The following ANKHD1 variants were observed in gnomAD, a reference collection of about 807,000 sequenced individuals.
ANKHD1 encodes ankyrin repeat and KH domain-containing protein 1.
A neutral mutation model predicts 230.5 loss-of-function variants in ANKHD1; 31 were observed. The ratio of observed to expected loss-of-function variants is 0.13; its 90% CI spans 0.10 to 0.18. ANKHD1 has a LOEUF of 0.18. Ranked by LOEUF, ANKHD1 falls within the 10% of genes least tolerant of loss-of-function variation. The pLI is 1.00. For synonymous variants in ANKHD1, 1,074 were observed against 1,117.6 expected, an observed-to-expected ratio of 0.96 and a Z score of 0.78; for missense variants, 2,256 against 3,071.3, an observed-to-expected ratio of 0.73 and a Z score of 6.27.
intron 24 of ANKHD1, among the ~76,000 whole-genome samples, chr5:140,523,129 T>TTTAA (rs1198702404): frequency 6.8e-6 from 1 of 147,526 alleles, no homozygotes; most frequent in African/African-American, 2.5e-5. Context: ...TTTTTTTTTT[T>TTTAA]AAGAGACAGG....
At chr5:140,415,767 A>T (rs1399465487) in intron 1 of ANKHD1, among the ~76,000 whole-genome samples, 8 of 151,850 alleles carry the variant, frequency 5.3e-5, no homozygotes, top group Non-Finnish European at 1.2e-4. Flanking sequence ...TTAATTTTTT[A>T]AAATTTATTT....
At chr5:140,429,181 C>T (rs966547852) in intron 1 of ANKHD1, among the ~76,000 whole-genome samples, 1 of 151,096 alleles carries the variant, frequency 6.6e-6, no homozygotes, top group South Asian at 2.1e-4. Flanking sequence ...CTAACCTCCA[C>T]CTCCCAGGTT....
intron 8 of ANKHD1, 50 bp downstream of exon 8, chr5:140,458,912 T>C: frequency 1.3e-6 from 2 of 1,498,024 alleles, no homozygotes; most frequent in Non-Finnish European, 1.8e-6. Flanking sequence ...TTGGATGTTT[T>C]GTGTTAGTAC....
chr5:140,472,866 G>A (rs984067888), intron 10 of ANKHD1, among the ~76,000 whole-genome samples: 2 of 151,790 alleles, frequency 1.3e-5, no homozygotes. Context: ...TATTTCTTTT[G>A]AAAAAATGTG....
At position 140,405,544 on chromosome 5, in the gene ANKHD1, A is replaced by G. The variant is rs556726068; in HGVS notation, c.306+3271A>G. ...CTTTGAATTTTCAGTGTGAAAAGGT[A>G]ACAGTGTTCTTCAAAAAATACTCAT... On this transcript the variant is annotated intron_variant, in intron 1 of 33. Transcript: ENST00000360839. Among the ~76,000 whole-genome samples the G allele has an allele frequency of 4.6e-4, 70 of 152,336 alleles. 1 individual carries two copies. The highest frequency in any genetic ancestry group is 6.8e-3 in the Middle Eastern group (2 of 294).
chr5:140,437,928 C>T (rs916655129), intron 2 of ANKHD1, among the ~76,000 whole-genome samples: 8 of 151,838 alleles, frequency 5.3e-5, no homozygotes, highest in Admixed American at 1.3e-4. Context: ...TTATAAATGA[C>T]GATATAAATT....
chr5:140,440,957 G>A, intron 4 of ANKHD1, 38 bp from the exon 5 acceptor site: 1 of 1,510,468 alleles, frequency 6.6e-7, no homozygotes, highest in Non-Finnish European at 8.8e-7. Flanking sequence ...TGAATAGTAA[G>A]AATTAACAAT....
intron 13 of ANKHD1, chr5:140,486,456 G>A (rs1027016350): frequency 6.6e-6 from 1 of 152,490 alleles, no homozygotes; most frequent in African/African-American, 2.4e-5. Context: ...TAACATAAGC[G>A]CTAGAAGTTC....
chr5:140,424,943 A>T (rs1265997282), intron 1 of ANKHD1, among the ~76,000 whole-genome samples: 1 of 152,210 alleles, frequency 6.6e-6, no homozygotes, highest in Non-Finnish European at 1.5e-5. Context: ...TAAGTAGTTA[A>T]GATGGTTGAA....
At chr5:140,525,873 T>A in intron 25 of ANKHD1, 123 bp from the exon 26 acceptor site, 1 of 1,155,192 alleles carries the variant, frequency 8.7e-7, no homozygotes, top group Non-Finnish European at 1.2e-6. Flanking sequence ...TCTTAGTGAA[T>A]ACTGGTGAAA....
Position 140,507,254 on chromosome 5 carries a change from A to G in ANKHD1, c.3551+277A>G, listed in dbSNP as rs6871703. On this transcript the variant is annotated intron_variant, in intron 19 of 33. Transcript: ENST00000360839. The surrounding 1 kb of genome is among the most constrained non-coding windows in gnomAD (Gnocchi z 4.1). Reference sequence around the variant, plus strand: ...CATCTGATCTCAGAAACGGTATTTTATTTTATATAGTTGGAAATTTATAAT... The same window carrying G: ...CATCTGATCTCAGAAACGGTATTTTGTTTTATATAGTTGGAAATTTATAAT... 0.67 allele frequency among the ~76,000 whole-genome samples: 101,815 copies of G among 152,084 alleles called. 34,539 individuals are homozygous for G. The highest frequency in any genetic ancestry group is 0.84 in the East Asian group (4,360 of 5,182).
chr5:140,431,215 A>G lies in ANKHD1; in HGVS notation c.307-4889A>G, dbSNP rs147088985. 2.6e-4 allele frequency among the ~76,000 whole-genome samples: 39 copies of G among 152,330 alleles called. 1 individual carries two copies. In the East Asian group the frequency reaches 6.9e-3, roughly 27 times the overall value. On this transcript the variant is annotated intron_variant, in intron 1 of 33. Transcript: ENST00000360839. ...ATCTGATTGATACAAATGTATTCAT[A>G]TCATTTATCTGTATGGTTTTGTATT...
At chr5:140,501,100 T>G (rs1014244066) in intron 15 of ANKHD1, among the ~76,000 whole-genome samples, 6 of 134,662 alleles carry the variant, frequency 4.5e-5, no homozygotes, top group African/African-American at 1.9e-4. Flanking sequence ...TAGGTTTTTG[T>G]TTTTTTTTTT....
chr5:140,459,001 T>TCC (rs1561755607), intron 8 of ANKHD1, 139 bp downstream of exon 8: 1 of 60,160 alleles, frequency 1.7e-5, no homozygotes, highest in Non-Finnish European at 3.0e-5. Flanking sequence ...TATATGCATA[T>TCC]ATATATATAT....
chr5:140,501,868 G>A (rs750443817), intron 15 of ANKHD1, among the ~76,000 whole-genome samples: 6 of 151,822 alleles, frequency 4.0e-5, no homozygotes, highest in Admixed American at 2.0e-4. Flanking sequence ...AAAAAGTCAA[G>A]TAACATACTG....
intron 24 of ANKHD1, among the ~76,000 whole-genome samples, chr5:140,514,699 G>T (rs1018657836): frequency 7.2e-5 from 11 of 151,862 alleles, no homozygotes; most frequent in African/African-American, 2.7e-4. Flanking sequence ...GGCTGGGAGC[G>T]GTAGCTCACA....
At chr5:140,433,207 C>T (rs747655116) in intron 1 of ANKHD1, among the ~76,000 whole-genome samples, 7 of 152,144 alleles carry the variant, frequency 4.6e-5, no homozygotes, top group Non-Finnish European at 1.0e-4. Context: ...TAGCTGATTA[C>T]AATCATGTGC....
chr5:140,526,431 A>G lies in ANKHD1; in HGVS notation c.4928A>G (p.Lys1643Arg), dbSNP rs548555445. 2 of 1,607,218 alleles carry G rather than the reference A, an allele frequency of 1.2e-6. No homozygotes were observed. The highest frequency in any genetic ancestry group is 2.2e-5 in the South Asian group (2 of 90,132). Residue 1643 changes from lysine to arginine, a missense_variant, in exon 26 of 34, where the codon AAA becomes AGA. Coordinates refer to ENST00000360839, the MANE Select transcript of ANKHD1 (RefSeq NM_017747.3). ...QEEKTSTATS[K>R]TQTRLEGEVT... Reference sequence around the variant, plus strand: ...GAAAAGACAAGTACTGCTACTTCCAAAACTCAGACACGGTAAATTTTTCTG... The same window carrying G: ...GAAAAGACAAGTACTGCTACTTCCAGAACTCAGACACGGTAAATTTTTCTG...
At chr5:140,402,299 C>T (rs368734871) in intron 1 of ANKHD1, 26 bp downstream of exon 1, 3 of 1,447,982 alleles carry the variant, frequency 2.1e-6, no homozygotes, top group Non-Finnish European at 2.7e-6. Context: ...CCTCGCCTCC[C>T]ACACATTGTG....
Sources: gnomAD v4.1 joint callset for allele counts (sites outside exome capture counted in the v4.1 genomes callset) on GRCh38, gnomAD v4.1.1 for gene constraint, Gnocchi (gnomAD v3.1) non-coding constraint, MANE v1.5 for transcripts, NCBI Gene and HGNC (gene_info 2026-07-23, HGNC 2026-07-21) for gene names.